The following SLC15A4 variants were observed in gnomAD, a reference collection of about 807,000 sequenced individuals.
The protein encoded by SLC15A4 is hPHT1.
A neutral mutation model predicts 46.1 loss-of-function variants in SLC15A4; 26 were observed. The ratio of observed to expected loss-of-function variants is 0.56; its 90% CI spans 0.41 to 0.78. SLC15A4 has a LOEUF of 0.78. Ranked by LOEUF, SLC15A4 falls within the 30% of genes least tolerant of loss-of-function variation. The pLI is 0.00. For synonymous variants in SLC15A4, 370 were observed against 333.4 expected, an observed-to-expected ratio of 1.11 and a Z score of -1.20; for missense variants, 751 against 755.7, an observed-to-expected ratio of 0.99 and a Z score of 0.07.
intron 2 of SLC15A4, chr12:128,814,567 G>C (rs765401913): frequency 8.3e-5 from 47 of 563,374 alleles, no homozygotes; most frequent in Non-Finnish European, 1.2e-4. Context: ...ATGAGCTCTG[G>C]AATCAGGCCA....
intron 1 of SLC15A4, among the ~76,000 whole-genome samples, chr12:128,820,931 G>C (rs1279886411): frequency 2.0e-5 from 3 of 152,174 alleles, no homozygotes; most frequent in African/African-American, 7.2e-5. Flanking sequence ...TTGGGTCATG[G>C]GGACGGATCC....
At chr12:128,798,975 C>T (rs994089306) in intron 7 of SLC15A4, among the ~76,000 whole-genome samples, 2 of 152,174 alleles carry the variant, frequency 1.3e-5, no homozygotes, top group African/African-American at 2.4e-5. Flanking sequence ...AGGACGTCCC[C>T]GTAAGGAGCG....
At chr12:128,809,611 AACAG>A in intron 3 of SLC15A4, 138 bp from the exon 4 acceptor site, 1 of 620,014 alleles carries the variant, frequency 1.6e-6, no homozygotes. Context: ...CAAGTTTGAA[AACAG>A]ACAGGTCAAT....
intron 5 of SLC15A4, among the ~76,000 whole-genome samples, chr12:128,802,570 C>T (rs1397619215): frequency 1.3e-5 from 2 of 152,152 alleles, no homozygotes; most frequent in Non-Finnish European, 2.9e-5. Context: ...CTAAGGATGA[C>T]ACCAAAGTGT....
At chr12:128,800,261 T>A (rs1955501177) in intron 6 of SLC15A4, among the ~76,000 whole-genome samples, 1 of 152,212 alleles carries the variant, frequency 6.6e-6, no homozygotes, top group Non-Finnish European at 1.5e-5. Flanking sequence ...TTATTCCCTT[T>A]ACAAATTCAT....
chr12:128,822,060 A>G (rs977009395), intron 1 of SLC15A4, among the ~76,000 whole-genome samples: 1 of 151,900 alleles, frequency 6.6e-6, no homozygotes, highest in East Asian at 1.9e-4. Flanking sequence ...ACGCTTTAAC[A>G]CTCCTCACAT....
intron 1 of SLC15A4, among the ~76,000 whole-genome samples, chr12:128,820,857 A>C (rs1027935478): frequency 2.0e-5 from 3 of 152,196 alleles, no homozygotes; most frequent in African/African-American, 7.2e-5. Flanking sequence ...CATGGTTTCC[A>C]TATCTGACCC....
intron 1 of SLC15A4, among the ~76,000 whole-genome samples, chr12:128,817,483 C>G (rs796733648): frequency 1.1e-4 from 17 of 152,348 alleles, no homozygotes; most frequent in African/African-American, 4.1e-4. Flanking sequence ...GATTTCCTAA[C>G]TGAAATGTAC....
chr12:128,804,717 G>A (rs1385594481), intron 5 of SLC15A4, among the ~76,000 whole-genome samples: 2 of 152,184 alleles, frequency 1.3e-5, no homozygotes, highest in Admixed American at 6.5e-5. Context: ...GTGATGGGAG[G>A]GAGACCCTGT....
rs376227064 is a variant in SLC15A4, at chr12:128,794,291, G to C, written c.1639C>G (p.Leu547Val). 1.2e-6 allele frequency: 2 copies of C among 1,613,908 alleles called. No individual in the cohort carries two copies. Among genetic ancestry groups the C allele is most frequent in the South Asian group, 2.2e-5 (2 of 91,060 alleles). The change falls in exon 8 of 8, where the codon CTC becomes GTC. Residue 547 changes from leucine to valine, a missense_variant. Leu to Val is a conservative substitution (Grantham distance 32). Transcript: ENST00000266771. ...FLLAAIQGAT[L>V]LLFLIISVKY... ...ACAGAAATAATGAGGAAAAGCAGGA[G>C]GGTAGCTCCTTGAATAGCAGCCAGA...
At chr12:128,808,680 C>A in intron 5 of SLC15A4, 108 bp downstream of exon 5, 1 of 1,027,458 alleles carries the variant, frequency 9.7e-7, no homozygotes, top group Non-Finnish European at 1.4e-6. Flanking sequence ...CTTTTACAGA[C>A]ATGCACTTCC....
chr12:128,815,306 G>C (rs1041581724), intron 1 of SLC15A4: 2 of 166,886 alleles, frequency 1.2e-5, no homozygotes, highest in Non-Finnish European at 2.3e-5. Context: ...TCCAACAAAT[G>C]CTAGAGAGTT....
At position 128,800,867 on chromosome 12, in the gene SLC15A4, A is replaced by G; in HGVS notation, c.1401T>C (p.Phe467=). 1.2e-6 allele frequency: 2 copies of G among 1,611,830 alleles called. No homozygotes were observed. Among genetic ancestry groups the G allele is most frequent in the Non-Finnish European group, 1.7e-6 (2 of 1,179,158 alleles). The change falls in exon 6 of 8, where the codon TTT becomes TTC. Residue 467 remains phenylalanine, a synonymous_variant. Transcript: ENST00000266771. ...AAAGGTCCTCACCTGCGATACTTGCAAAGATCTCGCTGATCCCAATCAGCA... is the reference window on the plus strand; with the variant it reads ...AAAGGTCCTCACCTGCGATACTTGCGAAGATCTCGCTGATCCCAATCAGCA... ...QYLLIGISEI[F]ASIAGLEFAY...
chr12:128,811,777 A>C (rs1238404981), intron 2 of SLC15A4, among the ~76,000 whole-genome samples: 1 of 152,282 alleles, frequency 6.6e-6, no homozygotes, highest in Non-Finnish European at 1.5e-5. Flanking sequence ...TCACACAAAG[A>C]ATCATTCACA....
chr12:128,794,047 T>G lies in SLC15A4; in HGVS notation c.*149A>C. 1 of 796,954 alleles carries G rather than the reference T, an allele frequency of 1.3e-6. No homozygotes were observed. The highest frequency in any genetic ancestry group is 1.7e-5 in the African/African-American group (1 of 57,962). The allele number at this position is 796,954 out of a possible 1,614,324, so 49.4% of individuals were successfully genotyped here. A position where few individuals can be genotyped will look rare whatever the true frequency, so the allele number is the denominator to read the frequency against. On this transcript the variant is annotated 3_prime_UTR_variant, in exon 8 of 8. Coordinates refer to ENST00000266771, the MANE Select transcript of SLC15A4 (RefSeq NM_145648.4). ...AAGGCACTTACCAAGCTCCTTTGGA[T>G]AGAGGGAAAGAAGAAATCAATCCAG...
Position 128,823,384 on chromosome 12 carries a change from G to C in SLC15A4, c.546+14C>G. The C allele has an allele frequency of 7.1e-7, 1 of 1,402,240 alleles. No individual in the cohort carries two copies. The highest frequency in any genetic ancestry group is 9.2e-7 in the Non-Finnish European group (1 of 1,084,542). The allele number at this position is 1,402,240 out of a possible 1,614,324, so 86.9% of individuals were successfully genotyped here. ...TGGACAGGGACAGGGACAGCGCGCG[G>C]GGGCGCGGCTCACCTGGTCGGCGCC... is the stretch of plus-strand genomic sequence containing the variant. On this transcript the variant is annotated intron_variant, in intron 1 of 7. Transcript: ENST00000266771.
chr12:128,815,121 G>A, intron 1 of SLC15A4, 51 bp from the exon 2 acceptor site: 3 of 1,538,854 alleles, frequency 1.9e-6, no homozygotes, highest in Non-Finnish European at 2.7e-6. Flanking sequence ...AGTCTTCAAG[G>A]ATGAAAACCA....
intron 5 of SLC15A4, among the ~76,000 whole-genome samples, chr12:128,804,603 G>A (rs1011210980): frequency 3.9e-4 from 59 of 152,286 alleles, no homozygotes; most frequent in East Asian, 5.8e-4. Context: ...GGTGGCAGGC[G>A]CCTGTAATCC....
chr12:128,821,090 C>A (rs988207789), intron 1 of SLC15A4, among the ~76,000 whole-genome samples: 1 of 152,216 alleles, frequency 6.6e-6, no homozygotes, highest in African/African-American at 2.4e-5. Context: ...CTCAGCAGTG[C>A]AGATGCTGGC....
Sources: gnomAD v4.1 joint callset for allele counts (sites outside exome capture counted in the v4.1 genomes callset) on GRCh38, gnomAD v4.1.1 for gene constraint, MANE v1.5 for transcripts, NCBI Gene and HGNC (gene_info 2026-07-23, HGNC 2026-07-21) for gene names.